Variants in PTPRO observed in about 807,000 individuals in gnomAD.
PTPRO encodes the protein protein tyrosine phosphatase receptor type O, also known as receptor-type tyrosine-protein phosphatase O.
PTPRO carries 62 observed loss-of-function variants against 145.2 expected under a neutral mutation model. The ratio of observed to expected loss-of-function variants is 0.43; its 90% CI spans 0.35 to 0.53. The LOEUF is 0.53. Ranked by LOEUF, PTPRO falls within the 20% of genes least tolerant of loss-of-function variation. The pLI, the probability that PTPRO is intolerant of heterozygous loss-of-function variation, is 0.01. For missense variants in PTPRO, 1,345 were observed against 1,482.7 expected (o/e 0.91, Z 1.53); for synonymous variants, 565 against 514.7 (o/e 1.10, Z -1.32).
chr12:15,540,239 A>C (rs1375122791), intron 12 of PTPRO, among the ~76,000 whole-genome samples: 1 of 152,340 alleles, frequency 6.6e-6, no homozygotes, highest in East Asian at 1.9e-4. Flanking sequence ...GCCAAGTCGA[A>C]TATACTATAT....
At chr12:15,550,481 T>G (rs1273273797) in intron 14 of PTPRO, among the ~76,000 whole-genome samples, 2 of 152,176 alleles carry the variant, frequency 1.3e-5, no homozygotes, top group African/African-American at 4.8e-5. Context: ...CAACTGTACC[T>G]TAATGTCCAT....
chr12:15,516,688 A>G, intron 8 of PTPRO, 75 bp from the exon 9 acceptor site: 3 of 1,326,328 alleles, frequency 2.3e-6, no homozygotes, highest in South Asian at 1.2e-5. Context: ...CGGGTCATTA[A>G]GTAGAAGTTT....
chr12:15,322,665 T>C lies in PTPRO; in HGVS notation c.-62T>C. 6.9e-7 allele frequency: 1 copy of C among 1,457,358 alleles called. No homozygotes were observed. The highest frequency in any genetic ancestry group is 1.2e-5 in the South Asian group (1 of 82,802). 90.3% of individuals were successfully genotyped at this position (1,457,358 alleles called of 1,614,324 possible). A position where few individuals can be genotyped will look rare whatever the true frequency, so the allele number is the denominator to read the frequency against. On this transcript the variant is annotated 5_prime_UTR_variant, in exon 1 of 27. Coordinates refer to ENST00000281171, the MANE Select transcript of PTPRO (RefSeq NM_030667.3). The surrounding 1 kb of genome is among the most constrained non-coding windows in gnomAD (Gnocchi z 6.3). ...AGGCTGCAGCCCCAGTTCGCCATTG[T>C]GAGCCGCCGCCGGGGGAGTCCGCTA...
At chr12:15,445,140 G>T (rs1329085033) in intron 1 of PTPRO, among the ~76,000 whole-genome samples, 1 of 152,086 alleles carries the variant, frequency 6.6e-6, no homozygotes, top group Non-Finnish European at 1.5e-5. Context: ...TTTTATTAAA[G>T]AACAAGAGCA....
At chr12:15,476,208 C>T (rs1260226613) in intron 1 of PTPRO, among the ~76,000 whole-genome samples, 1 of 151,922 alleles carries the variant, frequency 6.6e-6, no homozygotes, top group Non-Finnish European at 1.5e-5. Flanking sequence ...GATGAATTTT[C>T]CTTAAGAGGA....
intron 1 of PTPRO, among the ~76,000 whole-genome samples, chr12:15,456,880 A>ATATC (rs1423565763): frequency 6.6e-6 from 1 of 152,048 alleles, no homozygotes; most frequent in African/African-American, 2.4e-5. Flanking sequence ...AGTTATACTA[A>ATATC]TATCTTGTTA....
At chr12:15,588,399 T>C (rs1944474144) in intron 24 of PTPRO, among the ~76,000 whole-genome samples, 1 of 152,194 alleles carries the variant, frequency 6.6e-6, no homozygotes, top group African/African-American at 2.4e-5. Context: ...CATTTGACTC[T>C]TTATTGAGGA....
intron 15 of PTPRO, among the ~76,000 whole-genome samples, chr12:15,554,223 T>TA (rs1943554329): frequency 6.6e-6 from 1 of 152,098 alleles, no homozygotes; most frequent in Admixed American, 6.5e-5. Flanking sequence ...CTCCTGGGTT[T>TA]TTGGCCCAAG....
chr12:15,370,719 T>A (rs991842693), intron 1 of PTPRO, among the ~76,000 whole-genome samples: 3 of 152,056 alleles, frequency 2.0e-5, no homozygotes, highest in Admixed American at 6.6e-5. Context: ...TTGTTAAAAA[T>A]CAAAAGCCTT....
At chr12:15,384,349 T>G (rs541311488) in intron 1 of PTPRO, among the ~76,000 whole-genome samples, 1 of 152,296 alleles carries the variant, frequency 6.6e-6, no homozygotes, top group East Asian at 1.9e-4. Context: ...TCTTAGTTAG[T>G]TTGAACTGCC....
intron 1 of PTPRO, among the ~76,000 whole-genome samples, chr12:15,429,727 T>C (rs1471233259): frequency 6.6e-6 from 1 of 152,202 alleles, no homozygotes; most frequent in South Asian, 2.1e-4. Context: ...ACCTGTTTTA[T>C]ACATTGAAAA....
chr12:15,402,480 C>G (rs1259187366), intron 1 of PTPRO, among the ~76,000 whole-genome samples: 3 of 152,038 alleles, frequency 2.0e-5, no homozygotes, highest in African/African-American at 7.2e-5. Flanking sequence ...GAATCCTCAA[C>G]TACAAAATTC....
chr12:15,439,395 C>T (rs1940692678), intron 1 of PTPRO: 1 of 166,920 alleles, frequency 6.0e-6, no homozygotes. Context: ...CTAACAACCT[C>T]ATGGTAGGAT....
At chr12:15,515,990 T>TTTTTTTTTTTTTTTTTC (rs1942572248) in intron 8 of PTPRO, among the ~76,000 whole-genome samples, 1 of 125,740 alleles carries the variant, frequency 8.0e-6, no homozygotes, top group Admixed American at 7.7e-5. Context: ...TTTTTTTGTT[T>TTTTTTTTTTTTTTTTTC]TGTTTTTTTT....
At chr12:15,511,114 A>G (rs1177016752) in intron 7 of PTPRO, among the ~76,000 whole-genome samples, 1 of 151,956 alleles carries the variant, frequency 6.6e-6, no homozygotes, top group African/African-American at 2.4e-5. Context: ...ACTGGTATCC[A>G]TTTGGAGGGA....
intron 12 of PTPRO, among the ~76,000 whole-genome samples, chr12:15,536,822 C>T (rs988254713): frequency 2.0e-5 from 3 of 152,082 alleles, no homozygotes; most frequent in Admixed American, 6.6e-5. Flanking sequence ...AAAGTGTTCC[C>T]GTGTGGACAT....
rs550869345 is a variant in PTPRO at position 15,415,227 on chromosome 12, C to T, written c.76-68747C>T. On this transcript the variant is annotated intron_variant, in intron 1 of 26. Coordinates refer to ENST00000281171, the MANE Select transcript of PTPRO (RefSeq NM_030667.3). ...TTTTCCTGGCCCGTCCAGCTACCTC[C>T]CCCCCAAAAAAAGAAGCCCTAAACA... 7.2e-5 allele frequency among the ~76,000 whole-genome samples: 11 copies of T among 152,132 alleles called. No homozygotes were observed. The South Asian group carries it at 2.3e-3, about 32-fold the overall frequency.
At chr12:15,443,041 G>A (rs1940812051) in intron 1 of PTPRO, among the ~76,000 whole-genome samples, 1 of 152,044 alleles carries the variant, frequency 6.6e-6, no homozygotes, top group Admixed American at 6.6e-5. Flanking sequence ...AAAGAACAAA[G>A]CCAGAGGCAT....
chr12:15,563,220 G>A lies in PTPRO; in HGVS notation c.2712-2373G>A, dbSNP rs192892805. 3.8e-3 allele frequency among the ~76,000 whole-genome samples: 585 copies of A among 152,204 alleles called. 2 individuals are homozygous for A. Among genetic ancestry groups the A allele is most frequent in the South Asian group, 0.019 (93 of 4,820 alleles). On this transcript the variant is annotated intron_variant, in intron 17 of 26. Transcript: ENST00000281171. The stretch of plus-strand genomic sequence containing the variant: ...CAATCCTCTATGCATATATGCTGTA[G>A]GTATGTCTGATGGGGGTTATTTATT...
Sources: gnomAD v4.1 joint callset for allele counts (sites outside exome capture counted in the v4.1 genomes callset) on GRCh38, gnomAD v4.1.1 for gene constraint, Gnocchi (gnomAD v3.1) non-coding constraint, MANE v1.5 for transcripts, NCBI Gene and HGNC (gene_info 2026-07-23, HGNC 2026-07-21) for gene names.